The following CCND2 variants were observed in gnomAD, a reference collection of about 807,000 sequenced individuals.
CCND2 encodes the protein cyclin D2.
CCND2 carries 6 observed loss-of-function variants against 30.2 expected under a neutral mutation model. The observed-to-expected ratio is 0.20, with a 90% CI of 0.11 to 0.39. The LOEUF is 0.39. CCND2 is among the 10% of genes least tolerant of loss of function. The probability of loss-of-function intolerance (pLI) is 1.00; values close to 1 mark genes in which losing one functional copy is unlikely to be tolerated. For synonymous variants in CCND2, 150 were observed against 153.1 expected (o/e 0.98, Z 0.15); for missense variants, 235 against 373.4 (o/e 0.63, Z 3.06).
chr12:4,277,783 G>A (rs1863894148), intron 2 of CCND2, among the ~76,000 whole-genome samples: 1 of 152,256 alleles, frequency 6.6e-6, no homozygotes, highest in Non-Finnish European at 1.5e-5. Flanking sequence ...CAGGTGAATG[G>A]GAGAGAGGGT....
chr12:4,301,850 T>C lies in CCND2; in HGVS notation c.*1841T>C, dbSNP rs1158078898. 4.3e-6 allele frequency: 1 copy of C among 232,820 alleles called. No homozygotes were observed. The highest frequency in any genetic ancestry group is 8.5e-6 in the Non-Finnish European group (1 of 117,742). The allele number at this position is 232,820 out of a possible 1,614,324, so 14.4% of individuals were successfully genotyped here. Reference sequence around the variant, plus strand: ...CAAGTCCTGAAGTAGATGGTTGAGATATGAGTTCTTCGTACTGGAAAAGCC... The same window carrying C: ...CAAGTCCTGAAGTAGATGGTTGAGACATGAGTTCTTCGTACTGGAAAAGCC... On this transcript the variant is annotated 3_prime_UTR_variant, in exon 5 of 5. Transcript: ENST00000261254.
chr12:4,280,967 C>T (rs1047542841), intron 3 of CCND2, among the ~76,000 whole-genome samples: 1 of 152,220 alleles, frequency 6.6e-6, no homozygotes, highest in Non-Finnish European at 1.5e-5. Context: ...CCTTCTTGCC[C>T]AGATCTTTGG....
rs757922642 is a variant in CCND2 at position 4,282,354 on chromosome 12, C to T, written c.571+3435C>T. 3.3e-5 allele frequency among the ~76,000 whole-genome samples: 5 copies of T among 152,214 alleles called. No homozygotes were observed. The highest frequency in any genetic ancestry group is 1.3e-4 in the Admixed American group (2 of 15,286). On this transcript the variant is annotated intron_variant, in intron 3 of 4. Transcript: ENST00000261254. The surrounding 1 kb of genome is among the most constrained non-coding windows in gnomAD (Gnocchi z 4.3). ...CGGTAGCCACCCCCAGGCCTCCCCA[C>T]GCCAAGGCCAGAGCCCCATTGTTGA...
intron 2 of CCND2, among the ~76,000 whole-genome samples, chr12:4,277,814 C>T (rs898829122): frequency 6.6e-6 from 1 of 152,246 alleles, no homozygotes; most frequent in African/African-American, 2.4e-5. Flanking sequence ...ACAGGCCCTG[C>T]CTCTCATTCT....
rs1296037411 is a variant in CCND2 at position 4,304,633 on chromosome 12, C to G, written c.*4624C>G. The stretch of plus-strand genomic sequence containing the variant: ...TTTAAACTTGGCTGGGCTATCAGAC[C>G]CTATTCTCGGCTCAGGTTTTGAGAA... On this transcript the variant is annotated 3_prime_UTR_variant, in exon 5 of 5. Coordinates refer to ENST00000261254, the MANE Select transcript of CCND2 (RefSeq NM_001759.4). This position sits in a 1 kb window ranked among gnomAD's most constrained non-coding sequence, Gnocchi z 6.2. 4.3e-6 allele frequency: 1 copy of G among 233,526 alleles called. No homozygotes were observed. Among genetic ancestry groups the G allele is most frequent in the Non-Finnish European group, 8.5e-6 (1 of 118,040 alleles). 14.5% of individuals were successfully genotyped at this position (233,526 alleles called of 1,614,324 possible). A position where few individuals can be genotyped will look rare whatever the true frequency, so the allele number is the denominator to read the frequency against.
At chr12:4,295,749 C>T (rs561492130) in intron 4 of CCND2, among the ~76,000 whole-genome samples, 1 of 152,330 alleles carries the variant, frequency 6.6e-6, no homozygotes, top group Admixed American at 6.5e-5. Flanking sequence ...TGCACTCCAG[C>T]CTGAGTGACA....
In CCND2 at chr12:4,274,493, C is replaced by T. The variant is rs1158443179; in HGVS notation, c.195+258C>T. Among the ~76,000 whole-genome samples, 2 of 152,220 alleles carry T rather than the reference C, an allele frequency of 1.3e-5. No individual in the cohort carries two copies. Among genetic ancestry groups the T allele is most frequent in the Non-Finnish European group, 2.9e-5 (2 of 68,034 alleles). The stretch of plus-strand genomic sequence containing the variant: ...CGGGGGTAGGGGAGCATCCCGCGCG[C>T]GTGTTCCTGCATGTGGCTGCCTCTT... On this transcript the variant is annotated intron_variant, in intron 1 of 4. Coordinates refer to ENST00000261254, the MANE Select transcript of CCND2 (RefSeq NM_001759.4). The surrounding 1 kb of genome is among the most constrained non-coding windows in gnomAD (Gnocchi z 7.7).
chr12:4,288,813 C>T (rs1176904723), intron 3 of CCND2, 29 bp from the exon 4 acceptor site: 2 of 1,596,522 alleles, frequency 1.3e-6, no homozygotes, highest in Middle Eastern at 1.7e-4. Flanking sequence ...CGTTCTGTGC[C>T]CTGACCTTCT....
intron 1 of CCND2, among the ~76,000 whole-genome samples, chr12:4,275,686 G>T (rs1328515455): frequency 6.6e-6 from 1 of 151,058 alleles, no homozygotes; most frequent in Non-Finnish European, 1.5e-5. Flanking sequence ...GTTAGAGTGC[G>T]CGAAGGAGTA....
At position 4,274,327 on chromosome 12, in the gene CCND2, C is replaced by T. The variant is rs973640257; in HGVS notation, c.195+92C>T. 5.9e-6 allele frequency: 8 copies of T among 1,359,842 alleles called. No homozygotes were observed. The African/African-American group carries it at 1.0e-4, about 17-fold the overall frequency. The allele number at this position is 1,359,842 out of a possible 1,614,324, so 84.2% of individuals were successfully genotyped here. A position where few individuals can be genotyped will look rare whatever the true frequency, so the allele number is the denominator to read the frequency against. On this transcript the variant is annotated intron_variant, in intron 1 of 4. Transcript: ENST00000261254. The surrounding 1 kb of genome is among the most constrained non-coding windows in gnomAD (Gnocchi z 7.7). ...CCCTAAACCTGGGAGAGGGCAATCC[C>T]CGCGCCGGCCTCCCGGCTCCTGTGC...
intron 3 of CCND2, among the ~76,000 whole-genome samples, chr12:4,280,731 C>T (rs994663978): frequency 6.6e-6 from 1 of 152,196 alleles, no homozygotes; most frequent in African/African-American, 2.4e-5. Context: ...CCAAGGACAG[C>T]TGACCCCCGA....
At position 4,273,791 on chromosome 12, in the gene CCND2, G is replaced by T; in HGVS notation, c.-250G>T. ...CGGAGAAGAGCGAGCAGGGGAGAGC[G>T]AGACCAGTTTTAAGGGGAGGACCGG... On this transcript the variant is annotated 5_prime_UTR_variant, in exon 1 of 5. Transcript: ENST00000261254. The surrounding 1 kb of genome is among the most constrained non-coding windows in gnomAD (Gnocchi z 5.9). The T allele has an allele frequency of 1.8e-6, 1 of 560,284 alleles. No homozygotes were observed. Among genetic ancestry groups the T allele is most frequent in the South Asian group, 2.3e-5 (1 of 43,996 alleles). 34.7% of individuals were successfully genotyped at this position (560,284 alleles called of 1,614,324 possible).
At chr12:4,286,975 G>T (rs760317095) in intron 3 of CCND2, among the ~76,000 whole-genome samples, 3 of 152,202 alleles carry the variant, frequency 2.0e-5, no homozygotes, top group Non-Finnish European at 2.9e-5. Flanking sequence ...AATGTCACAG[G>T]GGGGAGCTAA....
rs1254813524 is a variant in CCND2 at position 4,299,738 on chromosome 12, A to C, written c.721-122A>C. 4 of 999,988 alleles carry C rather than the reference A, an allele frequency of 4.0e-6. No individual in the cohort carries two copies. The highest frequency in any genetic ancestry group is 5.9e-6 in the Non-Finnish European group (4 of 681,964). The allele number at this position is 999,988 out of a possible 1,614,324, so 61.9% of individuals were successfully genotyped here. On this transcript the variant is annotated intron_variant, in intron 4 of 4. Transcript: ENST00000261254. This position sits in a 1 kb window ranked among gnomAD's most constrained non-coding sequence, Gnocchi z 5.2. ...TTTAAGAACATCCCTCCTTTACTTC[A>C]CATTTATTTCTACTGGAAACTAGCA...
intron 4 of CCND2, among the ~76,000 whole-genome samples, chr12:4,295,663 G>C (rs1465058076): frequency 6.6e-6 from 1 of 152,202 alleles, no homozygotes; most frequent in Non-Finnish European, 1.5e-5. Flanking sequence ...TGTAATCCCA[G>C]CTACTTGGGA....
rs1384546531 is a variant in CCND2, at chr12:4,300,401, T to C, written c.*392T>C. On this transcript the variant is annotated 3_prime_UTR_variant, in exon 5 of 5. Transcript: ENST00000261254. ...CTAGCACATACACCCCCTTGTAGTATAATTTCAAGGAACTGTGTACGCCAT... is the reference window on the plus strand; with the variant it reads ...CTAGCACATACACCCCCTTGTAGTACAATTTCAAGGAACTGTGTACGCCAT... The C allele has an allele frequency of 8.2e-6, 2 of 243,704 alleles. No homozygotes were observed. The highest frequency in any genetic ancestry group is 8.1e-6 in the Non-Finnish European group (1 of 124,122). 15.1% of individuals were successfully genotyped at this position (243,704 alleles called of 1,614,324 possible). A position where few individuals can be genotyped will look rare whatever the true frequency, so the allele number is the denominator to read the frequency against.
intron 3 of CCND2, among the ~76,000 whole-genome samples, chr12:4,283,360 C>G (rs1278750028): frequency 6.6e-6 from 1 of 152,180 alleles, no homozygotes; most frequent in African/African-American, 2.4e-5. Flanking sequence ...TCTCCCACTT[C>G]CGACGTGAAA....
chr12:4,297,102 C>T (rs1008982493), intron 4 of CCND2, among the ~76,000 whole-genome samples: 5 of 152,202 alleles, frequency 3.3e-5, no homozygotes, highest in African/African-American at 1.2e-4. Flanking sequence ...ATGAGACTTG[C>T]CATTCCTCTC....
chr12:4,277,264 G>T (rs1325761418), intron 2 of CCND2, among the ~76,000 whole-genome samples: 1 of 152,184 alleles, frequency 6.6e-6, no homozygotes, highest in African/African-American at 2.4e-5. Flanking sequence ...TCTTCTGGGA[G>T]ATCTGCTTCC....
Sources: gnomAD v4.1 joint callset for allele counts (sites outside exome capture counted in the v4.1 genomes callset) on GRCh38, gnomAD v4.1.1 for gene constraint, Gnocchi (gnomAD v3.1) non-coding constraint, MANE v1.5 for transcripts, NCBI Gene and HGNC (gene_info 2026-07-23, HGNC 2026-07-21) for gene names.